The following RPGRIP1L variants were observed in gnomAD, a reference collection of about 807,000 sequenced individuals.
RPGRIP1L encodes the protein protein fantom.
In RPGRIP1L, 131 loss-of-function variants were observed where a neutral mutation model predicts 160.4. The ratio of observed to expected loss-of-function variants is 0.82; its 90% CI spans 0.71 to 0.94. RPGRIP1L has a LOEUF of 0.94. Among genes scored for constraint, RPGRIP1L ranks in the 40% least tolerant of loss-of-function variants. The pLI, the probability that RPGRIP1L is intolerant of heterozygous loss-of-function variation, is 0.00. For synonymous variants in RPGRIP1L, 510 were observed against 515.8 expected (o/e 0.99, Z 0.15); for missense variants, 1,522 against 1,535.8 (o/e 0.99, Z 0.15).
At chr16:53,666,827 AG>A (rs1362170035) in intron 9 of RPGRIP1L, among the ~76,000 whole-genome samples, 2 of 152,162 alleles carry the variant, frequency 1.3e-5, no homozygotes, top group Non-Finnish European at 2.9e-5. Flanking sequence ...AGAACAATTT[AG>A]CGGCCTGGGT....
chr16:53,653,396 C>T, intron 14 of RPGRIP1L: 2 of 988,018 alleles, frequency 2.0e-6, no homozygotes, highest in South Asian at 7.9e-5. Flanking sequence ...AAGATTTATA[C>T]TTTTCTTCTT....
chr16:53,621,765 G>A (rs1404284453), intron 23 of RPGRIP1L, among the ~76,000 whole-genome samples: 1 of 152,088 alleles, frequency 6.6e-6, no homozygotes, highest in Non-Finnish European at 1.5e-5. Context: ...GCTCACGCCT[G>A]TAATCCCAGC....
intron 22 of RPGRIP1L, among the ~76,000 whole-genome samples, chr16:53,627,913 A>G (rs1303092962): frequency 2.6e-5 from 4 of 152,232 alleles, no homozygotes; most frequent in Admixed American, 6.5e-5. Flanking sequence ...ACAATGCTGC[A>G]TTAAATATCC....
At chr16:53,657,699 T>A in intron 12 of RPGRIP1L, 67 bp from the exon 13 acceptor site, 1 of 858,662 alleles carries the variant, frequency 1.2e-6, no homozygotes, top group Non-Finnish European at 1.8e-6. Context: ...TGAATTAATA[T>A]AGATGTATCA....
At chr16:53,635,337 G>A (rs1484234020) in intron 22 of RPGRIP1L, 1 of 152,026 alleles carries the variant, frequency 6.6e-6, no homozygotes, top group East Asian at 1.9e-4. Context: ...TAATAATAAT[G>A]ATAAAACTTT....
chr16:53,672,798 C>T, intron 8 of RPGRIP1L, 72 bp downstream of exon 8: 4 of 1,335,698 alleles, frequency 3.0e-6, no homozygotes, highest in Non-Finnish European at 4.3e-6. Context: ...TGAAATATCT[C>T]TATTTTACTT....
chr16:53,605,695 T>A (rs1963639329), intron 25 of RPGRIP1L, 81 bp from the exon 26 acceptor site: 1 of 1,394,752 alleles, frequency 7.2e-7, no homozygotes, highest in African/African-American at 1.4e-5. Context: ...TGGGGTGTTA[T>A]CACTAGGTAT....
intron 22 of RPGRIP1L, among the ~76,000 whole-genome samples, chr16:53,627,729 TTC>T (rs1306737172): frequency 5.3e-5 from 8 of 152,302 alleles, no homozygotes; most frequent in South Asian, 4.1e-4. Context: ...ATTCTGCAAT[TTC>T]TGTTTTTTTA....
intron 6 of RPGRIP1L, among the ~76,000 whole-genome samples, chr16:53,684,527 G>A (rs1969849204): frequency 6.6e-6 from 1 of 151,854 alleles, no homozygotes; most frequent in African/African-American, 2.4e-5. Flanking sequence ...CTCACTCATA[G>A]GTGGGAATTG....
At chr16:53,701,594 G>A (rs1971399153) in intron 1 of RPGRIP1L, 1 of 151,324 alleles carries the variant, frequency 6.6e-6, no homozygotes, top group African/African-American at 2.4e-5. Context: ...AACTGTGAAT[G>A]AAGATACTCT....
chr16:53,619,002 T>C, intron 24 of RPGRIP1L, 23 bp downstream of exon 24: 2 of 1,569,846 alleles, frequency 1.3e-6, no homozygotes, highest in South Asian at 1.1e-5. Context: ...TAAAAGTCTA[T>C]ATTACAAATG....
chr16:53,675,158 G>T, intron 6 of RPGRIP1L, 36 bp from the exon 7 acceptor site: 1 of 1,428,570 alleles, frequency 7.0e-7, no homozygotes. Context: ...AGAGACAGAA[G>T]TAAAAAACGC....
At chr16:53,672,204 T>C (rs1968790938) in intron 8 of RPGRIP1L, among the ~76,000 whole-genome samples, 1 of 152,178 alleles carries the variant, frequency 6.6e-6, no homozygotes, top group Non-Finnish European at 1.5e-5. Flanking sequence ...TTCTGTACTC[T>C]AGTATTTATT....
chr16:53,656,085 G>C (rs984239157), intron 14 of RPGRIP1L, among the ~76,000 whole-genome samples: 2 of 152,136 alleles, frequency 1.3e-5, no homozygotes, highest in East Asian at 3.9e-4. Context: ...TGAGTTTGTA[G>C]TAATTTATGA....
rs777785089 is a variant in RPGRIP1L, at chr16:53,658,498, T to C, written c.1351-34A>G. The C allele has an allele frequency of 2.0e-6, 3 of 1,502,436 alleles. No homozygotes were observed. In the East Asian group the frequency reaches 6.8e-5, roughly 34 times the overall value. 93.1% of individuals were successfully genotyped at this position (1,502,436 alleles called of 1,614,324 possible). On this transcript the variant is annotated intron_variant, in intron 11 of 26. Transcript: ENST00000647211. ...GATTAAGTAAAAGCTCACAATGAGT[T>C]ATGAATGGAAAATACAAGAGACATT...
intron 26 of RPGRIP1L, among the ~76,000 whole-genome samples, chr16:53,605,155 A>G (rs934654648): frequency 6.6e-6 from 1 of 152,100 alleles, no homozygotes; most frequent in Non-Finnish European, 1.5e-5. Flanking sequence ...CTTGGGTGAC[A>G]GAGCAAAACT....
chr16:53,629,287 A>G (rs1018295505), intron 22 of RPGRIP1L, among the ~76,000 whole-genome samples: 1 of 152,146 alleles, frequency 6.6e-6, no homozygotes, highest in Non-Finnish European at 1.5e-5. Context: ...CCAAGGGTGA[A>G]AAGTACCACT....
At chr16:53,639,764 A>G (rs1966086203) in intron 19 of RPGRIP1L, among the ~76,000 whole-genome samples, 1 of 152,180 alleles carries the variant, frequency 6.6e-6, no homozygotes, top group South Asian at 2.1e-4. Context: ...AATGAGTCCA[A>G]TGTATATAAA....
chr16:53,665,186 G>A (rs574033321), intron 9 of RPGRIP1L, among the ~76,000 whole-genome samples, 177 bp from the exon 10 acceptor site: 50 of 152,284 alleles, frequency 3.3e-4, no homozygotes, highest in Non-Finnish European at 5.6e-4. Context: ...TGCGGTTAGG[G>A]AACATGAAAG....
Sources: allele counts gnomAD v4.1 joint callset (sites outside exome capture counted in the v4.1 genomes callset), GRCh38; gene constraint gnomAD v4.1.1; transcripts MANE v1.5; gene names NCBI Gene and HGNC (gene_info 2026-07-23, HGNC 2026-07-21).